The following ANAPC5 variants were observed in gnomAD, a reference collection of about 807,000 sequenced individuals.
ANAPC5 encodes anaphase-promoting complex subunit 5.
Under a neutral mutation model 91.3 loss-of-function variants are expected in ANAPC5, and 60 were observed. The observed-to-expected ratio is 0.66, with a 90% CI of 0.53 to 0.81. The LOEUF (loss-of-function observed/expected upper bound fraction) is 0.81. Ranked by LOEUF, ANAPC5 falls within the 40% of genes least tolerant of loss-of-function variation. The pLI is 0.00. For synonymous variants in ANAPC5, 340 were observed against 364.1 expected, an observed-to-expected ratio of 0.93 and a Z score of 0.75; for missense variants, 690 against 931.5, an observed-to-expected ratio of 0.74 and a Z score of 3.37.
At position 121,309,681 on chromosome 12, in the gene ANAPC5, GT is replaced by G. The variant is rs1217342539; in HGVS notation, c.2056+19del. On this transcript the variant is annotated intron_variant, in intron 16 of 16. Coordinates refer to ENST00000261819, the MANE Select transcript of ANAPC5 (RefSeq NM_016237.5). ...CTTTCTGGAATAGCATTGCCTAACA[GT>G]CTTCGTACAGCTTCCTACCTTCTGC... 6.2e-7 allele frequency: 1 copy of G among 1,608,256 alleles called. No individual in the cohort carries two copies. Among genetic ancestry groups the G allele is most frequent in the African/African-American group, 1.3e-5 (1 of 74,676 alleles).
Position 121,318,297 on chromosome 12 carries a change from G to A in ANAPC5, c.1873C>T (p.Leu625=). The change falls in exon 15 of 17, where the codon CTG becomes TTG. Residue 625 remains leucine (L), a synonymous_variant. Transcript: ENST00000261819. ...RLQYLASETV[L]NLAFAQLILG... is the part of the protein sequence containing the mutation. ...CTTACCTGCGCAAAAGCCAAGTTCA[G>A]CACTGTTTCAGAGGCCAAGTACTGT... is the stretch of plus-strand genomic sequence containing the variant. 6.4e-7 allele frequency: 1 copy of A among 1,559,450 alleles called. No homozygotes were observed. Among genetic ancestry groups the A allele is most frequent in the Non-Finnish European group, 8.7e-7 (1 of 1,155,838 alleles).
At chr12:121,316,125 G>C (rs1056316710) in intron 15 of ANAPC5, among the ~76,000 whole-genome samples, 24 of 152,080 alleles carry the variant, frequency 1.6e-4, no homozygotes, top group African/African-American at 5.8e-4. Flanking sequence ...TTAAAAAACA[G>C]GTAAAGGATC....
chr12:121,330,829 A>T, intron 8 of ANAPC5, 157 bp from the exon 9 acceptor site: 1 of 587,520 alleles, frequency 1.7e-6, no homozygotes, highest in South Asian at 2.1e-5. Flanking sequence ...GAGACCTGTC[A>T]AACATATCAA....
At chr12:121,337,527 C>T in intron 5 of ANAPC5, 135 bp from the exon 6 acceptor site, 3 of 606,616 alleles carry the variant, frequency 4.9e-6, no homozygotes, top group Non-Finnish European at 5.6e-6. Flanking sequence ...TCTCGCCAGC[C>T]TTGGCTGGCC....
Position 121,327,119 on chromosome 12 carries a change from G to A in ANAPC5, c.1417C>T (p.Leu473Phe). 1.2e-6 allele frequency: 2 copies of A among 1,610,184 alleles called. No homozygotes were observed. The highest frequency in any genetic ancestry group is 1.3e-5 in the African/African-American group (1 of 74,982). The change falls in exon 11 of 17, where the codon CTC becomes TTC. Residue 473 changes from leucine (L) to phenylalanine (F), a missense_variant. Physicochemically the swap from Leu to Phe is conservative, Grantham distance 22. Coordinates refer to ENST00000261819, the MANE Select transcript of ANAPC5 (RefSeq NM_016237.5). ...ACCTGCTCCGCGTGTAGCTCTGCGAGGTGGCAGAGTGCGACAGCAAAGGAC... is the reference window on the plus strand; with the variant it reads ...ACCTGCTCCGCGTGTAGCTCTGCGAAGTGGCAGAGTGCGACAGCAAAGGAC... ...TESFAVALCH[L>F]AELHAEQGCF...
At chr12:121,338,440 T>C (rs1903325374) in intron 5 of ANAPC5, among the ~76,000 whole-genome samples, 1 of 151,558 alleles carries the variant, frequency 6.6e-6, no homozygotes. Flanking sequence ...ATACAAAACA[T>C]TAGCCGGGTG....
chr12:121,319,776 T>C lies in ANAPC5; in HGVS notation c.1558A>G (p.Met520Val), dbSNP rs754520051. Residue 520 changes from methionine to valine, a missense_variant, in exon 13 of 17, where the codon ATG becomes GTG. By Grantham distance (21) the Met-to-Val change is conservative. This residue lies in a region of ANAPC5 where 317 missense variants were observed against 438.7 expected (regional missense o/e 0.72). Transcript: ENST00000261819. ...CDQKIQFDRA[M>V]NDGKYHLADS... is the part of the protein sequence containing the mutation. Reference sequence around the variant, plus strand: ...GCCAAATGATATTTGCCATCATTCATTGCTCTGTCAAACTGTATTTTTTGA... The same window carrying C: ...GCCAAATGATATTTGCCATCATTCACTGCTCTGTCAAACTGTATTTTTTGA... 3.1e-6 allele frequency: 5 copies of C among 1,612,646 alleles called. No individual in the cohort carries two copies. Among genetic ancestry groups the C allele is most frequent in the Non-Finnish European group, 4.2e-6 (5 of 1,179,562 alleles).
In ANAPC5 at chr12:121,347,884, G is replaced by A. The variant is rs782140250; in HGVS notation, c.208-3C>T. ...TTTGACAGTGTAATATCTGGGCCCT[G>A]TGTAAAGGAGAGATAGGGAGGTATG... On this transcript the variant is annotated splice_polypyrimidine_tract_variant and splice_region_variant and intron_variant, in intron 1 of 16. Transcript: ENST00000261819. 4.4e-6 allele frequency: 7 copies of A among 1,603,986 alleles called. No homozygotes were observed. The Admixed American group carries it at 5.0e-5, about 11-fold the overall frequency.
At chr12:121,311,488 C>G (rs1902164906) in intron 15 of ANAPC5, among the ~76,000 whole-genome samples, 1 of 133,510 alleles carries the variant, frequency 7.5e-6, no homozygotes, top group Non-Finnish European at 1.5e-5. Context: ...CAACAGTGTT[C>G]CAAAGCATAT....
In ANAPC5 at chr12:121,320,472, C is replaced by T. The variant is rs146296663; in HGVS notation, c.1441-13G>A. 22 of 1,612,708 alleles carry T rather than the reference C, an allele frequency of 1.4e-5. No homozygotes were observed. Among genetic ancestry groups the T allele is most frequent in the Non-Finnish European group, 1.9e-5 (22 of 1,178,966 alleles). ...CAGCAAAACAGCCCTAAAGTAGAAA[C>T]ACACAATTTGATCAGCATAACCTGT... On this transcript the variant is annotated splice_polypyrimidine_tract_variant and intron_variant, in intron 11 of 16. Transcript: ENST00000261819.
intron 7 of ANAPC5, 107 bp from the exon 8 acceptor site, chr12:121,331,535 T>C: frequency 1.1e-6 from 1 of 875,926 alleles, no homozygotes; most frequent in Non-Finnish European, 1.7e-6. Context: ...GGTCTCTGGG[T>C]TGGAAGCTGT....
chr12:121,325,334 A>G (rs1555272175), intron 11 of ANAPC5, among the ~76,000 whole-genome samples: 1 of 151,888 alleles, frequency 6.6e-6, no homozygotes. Context: ...GTAGTGGCAC[A>G]CACCTGTAAT....
chr12:121,316,672 G>C (rs948490527), intron 15 of ANAPC5, among the ~76,000 whole-genome samples: 7 of 143,156 alleles, frequency 4.9e-5, no homozygotes, highest in Admixed American at 1.5e-4. Flanking sequence ...GGCGGAGCTT[G>C]CAGTGAGCCG....
chr12:121,354,065 T>C (rs1903998960), upstream of ANAPC5, among the ~76,000 whole-genome samples: 1 of 148,678 alleles, frequency 6.7e-6, no homozygotes, highest in Admixed American at 6.8e-5. Flanking sequence ...TTCGGCTCAC[T>C]ACAATCTCTA....
In ANAPC5 at chr12:121,318,372, C is replaced by T. The variant is rs780247790; in HGVS notation, c.1798G>A (p.Ala600Thr). 7.4e-6 allele frequency: 12 copies of T among 1,612,270 alleles called. No homozygotes were observed. The highest frequency in any genetic ancestry group is 2.2e-5 in the South Asian group (2 of 90,768). Reference sequence around the variant, plus strand: ...AGAGCCTGCAGGAGCATGGGCAGCGCGATGGTAGGGGAGGAAGATCGCCAG... The same window carrying T: ...AGAGCCTGCAGGAGCATGGGCAGCGTGATGGTAGGGGAGGAAGATCGCCAG... Reference protein sequence around the residue: ...LYWRSSSPTIALPMLLQALAL... With the variant: ...LYWRSSSPTITLPMLLQALAL... Residue 600 changes from alanine to threonine, a missense_variant, in exon 15 of 17, where the codon GCG becomes ACG. By Grantham distance (58) the Ala-to-Thr change is moderately conservative. Around this residue, in one of 5 missense-constraint regions of ANAPC5, gnomAD observed 317 missense variants for 438.7 expected, o/e 0.72. Transcript: ENST00000261819.
At chr12:121,316,657 C>T (rs1054598338) in intron 15 of ANAPC5, among the ~76,000 whole-genome samples, 1 of 138,772 alleles carries the variant, frequency 7.2e-6, no homozygotes, top group African/African-American at 2.8e-5. Context: ...GGCATGAACC[C>T]GGGAGGCGGA....
Position 121,352,269 on chromosome 12 carries a change from G to A in ANAPC5, c.72C>T (p.Phe24=). The stretch of plus-strand genomic sequence containing the variant: ...ACGGCGTCACCCAGTCCTTGATGCC[G>A]AACACATTGGCGTGCACAACCCCAT... ...MTNGVVHANV[F]GIKDWVTPYK... Residue 24 remains phenylalanine (F), a synonymous_variant, in exon 1 of 17, where the codon TTC becomes TTT. Coordinates refer to ENST00000261819, the MANE Select transcript of ANAPC5 (RefSeq NM_016237.5). 3.7e-6 allele frequency: 6 copies of A among 1,614,110 alleles called. No individual in the cohort carries two copies. The highest frequency in any genetic ancestry group is 5.1e-6 in the Non-Finnish European group (6 of 1,179,982).
chr12:121,337,094 T>A (rs1555273559), intron 6 of ANAPC5, among the ~76,000 whole-genome samples, 197 bp downstream of exon 6: 1 of 152,196 alleles, frequency 6.6e-6, no homozygotes, highest in African/African-American at 2.4e-5. Flanking sequence ...GGCACGTGCC[T>A]GTAATCCCAG....
chr12:121,345,363 T>C (rs762452705), intron 4 of ANAPC5, among the ~76,000 whole-genome samples: 1 of 151,842 alleles, frequency 6.6e-6, no homozygotes, highest in Non-Finnish European at 1.5e-5. Flanking sequence ...TCAAATTGAG[T>C]AGTCTGAGAA....
Sources: gnomAD v4.1 joint callset for allele counts (sites outside exome capture counted in the v4.1 genomes callset) on GRCh38, gnomAD v4.1.1 for gene constraint, gnomAD v4.1.1 regional missense constraint, MANE v1.5 for transcripts, NCBI Gene and HGNC (gene_info 2026-07-23, HGNC 2026-07-21) for gene names.